Variants in SEPTIN1 observed in about 807,000 individuals in gnomAD.
SEPTIN1 encodes septin 1.
A neutral mutation model predicts 50.7 loss-of-function variants in SEPTIN1; 52 were observed. That is an observed-to-expected ratio of 1.03 (90% CI 0.82 to 1.29). The LOEUF (loss-of-function observed/expected upper bound fraction) is 1.29, where lower values mean the gene tolerates loss of function less well. SEPTIN1 is among the 50% of genes most tolerant of loss of function. The pLI, the probability that SEPTIN1 is intolerant of heterozygous loss-of-function variation, is 0.00. For synonymous variants in SEPTIN1, 204 were observed against 189.1 expected (o/e 1.08, Z -0.65); for missense variants, 455 against 490.7 (o/e 0.93, Z 0.69).
rs1229100414 is a variant in SEPTIN1, at chr16:30,382,398, G to C, written c.19-33C>G. 1 of 1,579,558 alleles carries C rather than the reference G, an allele frequency of 6.3e-7. No individual in the cohort carries two copies. The highest frequency in any genetic ancestry group is 1.1e-5 in the South Asian group (1 of 88,058). On this transcript the variant is annotated intron_variant, in intron 1 of 10. Coordinates refer to ENST00000321367, the MANE Select transcript of SEPTIN1 (RefSeq NM_001365977.2). This position sits in a 1 kb window ranked among gnomAD's most constrained non-coding sequence, Gnocchi z 4.8. The stretch of plus-strand genomic sequence containing the variant: ...TGGGGGTGGACAATATGAGGCTGCT[G>C]GCAATGGCAGGCAGGGTCCCCAGGA...
chr16:30,378,567 G>A (rs767151310), intron 10 of SEPTIN1, 43 bp downstream of exon 10: 4 of 1,607,846 alleles, frequency 2.5e-6, no homozygotes, highest in Admixed American at 1.7e-5. Flanking sequence ...AGCCAGAGGG[G>A]GACCTGGGGC....
chr16:30,379,903 G>T (rs369810763), intron 7 of SEPTIN1, 29 bp downstream of exon 7: 5 of 1,272,542 alleles, frequency 3.9e-6, no homozygotes, highest in Non-Finnish European at 5.7e-6. Context: ...CACCGTGCCC[G>T]GCCTGCCTTC....
At chr16:30,379,268 C>G (rs1347098825) in intron 8 of SEPTIN1, 85 bp from the exon 9 acceptor site, 7 of 1,547,728 alleles carry the variant, frequency 4.5e-6, no homozygotes, top group Non-Finnish European at 2.7e-6. Flanking sequence ...CAGGAAAGTC[C>G]TGCTGCCACT....
Position 30,381,697 on chromosome 16 carries a change from G to A in SEPTIN1, c.320+63C>T. 2 of 1,598,972 alleles carry A rather than the reference G, an allele frequency of 1.3e-6. No individual in the cohort carries two copies. The highest frequency in any genetic ancestry group is 1.7e-4 in the Middle Eastern group (1 of 5,992). On this transcript the variant is annotated intron_variant, in intron 4 of 10. Coordinates refer to ENST00000321367, the MANE Select transcript of SEPTIN1 (RefSeq NM_001365977.2). This position sits in a 1 kb window ranked among gnomAD's most constrained non-coding sequence, Gnocchi z 4.3. Reference sequence around the variant, plus strand: ...TAGGGAGCCAGCACAAACCAGTCCTGTAACTCTCCAGGGAGTCGCCACTGT... The same window carrying A: ...TAGGGAGCCAGCACAAACCAGTCCTATAACTCTCCAGGGAGTCGCCACTGT...
rs775601659 is a variant in SEPTIN1 at position 30,378,494 on chromosome 16, C to T, written c.1059G>A (p.Glu353=). ...EELRRMQEML[E]KMQAQMQQSQ... ...TCTGCTGCATTTGGGCCTGCATCTTCTCCAGCATCTCTTGCATGCGGCGCA... is the reference window on the plus strand; with the variant it reads ...TCTGCTGCATTTGGGCCTGCATCTTTTCCAGCATCTCTTGCATGCGGCGCA... Residue 353 remains glutamate, a synonymous_variant, in exon 11 of 11, where the codon GAG becomes GAA. Coordinates refer to ENST00000321367, the MANE Select transcript of SEPTIN1 (RefSeq NM_001365977.2). 1 of 1,578,956 alleles carries T rather than the reference C, an allele frequency of 6.3e-7. No individual in the cohort carries two copies. Among genetic ancestry groups the T allele is most frequent in the Admixed American group, 1.9e-5 (1 of 53,920 alleles).
At position 30,379,553 on chromosome 16, in the gene SEPTIN1, G is replaced by T; in HGVS notation, c.676-19C>A. 1 of 1,597,654 alleles carries T rather than the reference G, an allele frequency of 6.3e-7. No homozygotes were observed. Among genetic ancestry groups the T allele is most frequent in the Non-Finnish European group, 8.6e-7 (1 of 1,166,396 alleles). The stretch of plus-strand genomic sequence containing the variant: ...TGCTTTCCTGGAGGGCAGGGGGCAG[G>T]GGTTCACCATTGGCTCACACGGCAG... On this transcript the variant is annotated intron_variant, in intron 7 of 10. Transcript: ENST00000321367.
intron 9 of SEPTIN1, 46 bp downstream of exon 9, chr16:30,378,972 G>A (rs981145726): frequency 1.9e-6 from 3 of 1,581,450 alleles, no homozygotes; most frequent in African/African-American, 1.3e-5. Flanking sequence ...GGTCATGGGT[G>A]AGGCGGGACC....
chr16:30,381,049 C>A lies in SEPTIN1; in HGVS notation c.573+78G>T. On this transcript the variant is annotated intron_variant, in intron 6 of 10. Coordinates refer to ENST00000321367, the MANE Select transcript of SEPTIN1 (RefSeq NM_001365977.2). The surrounding 1 kb of genome is among the most constrained non-coding windows in gnomAD (Gnocchi z 4.3). ...GATGCACCATGCTCCAGAAAGGCCA[C>A]TTCAAGATCAAAGAAGTCTAAGCTG... 2 of 1,204,786 alleles carry A rather than the reference C, an allele frequency of 1.7e-6. No individual in the cohort carries two copies. Among genetic ancestry groups the A allele is most frequent in the South Asian group, 2.4e-5 (2 of 82,180 alleles). 74.6% of individuals were successfully genotyped at this position (1,204,786 alleles called of 1,614,324 possible). A position where few individuals can be genotyped will look rare whatever the true frequency, so the allele number is the denominator to read the frequency against.
upstream of SEPTIN1, chr16:30,382,563 C>A (rs2049866249): frequency 6.3e-7 from 1 of 1,584,944 alleles, no homozygotes; most frequent in Non-Finnish European, 8.6e-7. This position sits in a 1 kb window ranked among gnomAD's most constrained non-coding sequence, Gnocchi z 4.8. Flanking sequence ...GCCGTCTCTC[C>A]CCACTTCCTC....
intron 6 of SEPTIN1, 106 bp from the exon 7 acceptor site, chr16:30,380,139 A>C (rs1323576888): frequency 1.1e-6 from 1 of 879,152 alleles, no homozygotes; most frequent in Non-Finnish European, 1.7e-6. Flanking sequence ...AGAGACAGAG[A>C]GAAAGACATG....
At chr16:30,382,717 C>T, upstream of SEPTIN1, 2 of 1,535,796 alleles carry the variant, frequency 1.3e-6, no homozygotes, top group Non-Finnish European at 1.7e-6. This position sits in a 1 kb window ranked among gnomAD's most constrained non-coding sequence, Gnocchi z 4.8. Flanking sequence ...CCCCTTTGCC[C>T]ATCACCTGTC....
At position 30,379,192 on chromosome 16, in the gene SEPTIN1, G is replaced by A. The variant is rs145888442; in HGVS notation, c.776-9C>T. ...GTGATGTGGGTTCTCCACTGGAGGG[G>A]GGGCGGCGCGGACCAGCGAACGTCA... On this transcript the variant is annotated splice_polypyrimidine_tract_variant and intron_variant, in intron 8 of 10. Transcript: ENST00000321367. 3.7e-5 allele frequency: 60 copies of A among 1,613,700 alleles called. 4 individuals carry two copies. In the African/African-American group the frequency reaches 6.5e-4, roughly 18 times the overall value.
In SEPTIN1 at chr16:30,379,442, G is replaced by T. The variant is rs772941508; in HGVS notation, c.768C>A (p.Thr256=). The part of the protein sequence containing the change: ...PVRGRRYSWG[T]VEVENPHHCD... ...CTGCCTGGCCTCACTCACCCTCCAC[G>T]GTCCCCCAGGAGTAGCGGCGTCCCC... Residue 256 remains threonine, a synonymous_variant, in exon 8 of 11, where the codon ACC becomes ACA. Transcript: ENST00000321367. The T allele has an allele frequency of 3.2e-5, 52 of 1,613,520 alleles. No individual in the cohort carries two copies. The highest frequency in any genetic ancestry group is 4.3e-5 in the Non-Finnish European group (51 of 1,179,732).
rs2151111293 is a variant in SEPTIN1 at position 30,381,206 on chromosome 16, T to C, written c.494A>G (p.His165Arg). Residue 165 changes from histidine to arginine, a missense_variant, in exon 6 of 11, where the codon CAC becomes CGC. Physicochemically the swap from His to Arg is conservative, Grantham distance 29 (BLOSUM62 0). Coordinates refer to ENST00000321367, the MANE Select transcript of SEPTIN1 (RefSeq NM_001365977.2). The surrounding 1 kb of genome is among the most constrained non-coding windows in gnomAD (Gnocchi z 4.3). Reference sequence around the variant, plus strand: ...GACTGGGATGATGTTGACTTTCTCGTGTACTGCCCGGAGGAAGGCCACATC... The same window carrying C: ...GACTGGGATGATGTTGACTTTCTCGCGTACTGCCCGGAGGAAGGCCACATC... Reference protein sequence around the residue: ...PLDVAFLRAVHEKVNIIPVIG... With the variant: ...PLDVAFLRAVREKVNIIPVIG... The C allele has an allele frequency of 1.2e-6, 2 of 1,613,942 alleles. No homozygotes were observed. Among genetic ancestry groups the C allele is most frequent in the East Asian group, 4.5e-5 (2 of 44,878 alleles).
Position 30,381,517 on chromosome 16 carries a change from A to G in SEPTIN1, c.321-44T>C. The G allele has an allele frequency of 6.2e-7, 1 of 1,610,312 alleles. No homozygotes were observed. Among genetic ancestry groups the G allele is most frequent in the South Asian group, 1.1e-5 (1 of 90,926 alleles). ...TGTGAGGTCAGAGATCAAAGGCCAGAGGGCAGGGGGCAAGGCTAGCCAGGA... is the reference window on the plus strand; with the variant it reads ...TGTGAGGTCAGAGATCAAAGGCCAGGGGGCAGGGGGCAAGGCTAGCCAGGA... On this transcript the variant is annotated intron_variant, in intron 4 of 10. Transcript: ENST00000321367. The surrounding 1 kb of genome is among the most constrained non-coding windows in gnomAD (Gnocchi z 4.3).
rs989097539 is a variant in SEPTIN1 at position 30,382,449 on chromosome 16, A to C, written c.18+76T>G. 1.5e-5 allele frequency: 23 copies of C among 1,570,356 alleles called. No homozygotes were observed. In the African/African-American group the frequency reaches 3.1e-4, roughly 21 times the overall value. ...TCACTTGAGTTCCTGGGCTAGGAAG[A>C]GTCAGTGGGGTCTGGGGACCCCAGG... is the stretch of plus-strand genomic sequence containing the variant. On this transcript the variant is annotated intron_variant, in intron 1 of 10. Coordinates refer to ENST00000321367, the MANE Select transcript of SEPTIN1 (RefSeq NM_001365977.2). The surrounding 1 kb of genome is among the most constrained non-coding windows in gnomAD (Gnocchi z 4.8).
Position 30,378,311 on chromosome 16 carries a change from C to G in SEPTIN1, c.*123G>C, listed in dbSNP as rs530541913. The G allele has an allele frequency of 6.3e-5, 62 of 977,362 alleles. 1 individual carries two copies. In the South Asian group the frequency reaches 8.8e-4, roughly 14 times the overall value. 60.5% of individuals were successfully genotyped at this position (977,362 alleles called of 1,614,324 possible). A position where few individuals can be genotyped will look rare whatever the true frequency, so the allele number is the denominator to read the frequency against. On this transcript the variant is annotated 3_prime_UTR_variant, in exon 11 of 11. Coordinates refer to ENST00000321367, the MANE Select transcript of SEPTIN1 (RefSeq NM_001365977.2). Reference sequence around the variant, plus strand: ...CGGACTCAGGCTGGGAGAACCTCCCCCTAGCCCGCGCGAGGGCGGCACCCG... The same window carrying G: ...CGGACTCAGGCTGGGAGAACCTCCCGCTAGCCCGCGCGAGGGCGGCACCCG...
In SEPTIN1 at chr16:30,382,463, G is replaced by C. The variant is rs2049864089; in HGVS notation, c.18+62C>G. On this transcript the variant is annotated intron_variant, in intron 1 of 10. Transcript: ENST00000321367. This position sits in a 1 kb window ranked among gnomAD's most constrained non-coding sequence, Gnocchi z 4.8. ...GGGCTAGGAAGAGTCAGTGGGGTCT[G>C]GGGACCCCAGGCATGGGGGCTGGGG... The C allele has an allele frequency of 3.8e-6, 6 of 1,562,532 alleles. No homozygotes were observed. Among genetic ancestry groups the C allele is most frequent in the East Asian group, 2.3e-5 (1 of 44,364 alleles).
Position 30,379,104 on chromosome 16 carries a change from C to A in SEPTIN1, c.855G>T (p.Val285=). 1 of 1,614,132 alleles carries A rather than the reference C, an allele frequency of 6.2e-7. No individual in the cohort carries two copies. The highest frequency in any genetic ancestry group is 1.1e-5 in the South Asian group (1 of 91,084). ...AGCCCTCGTAGAGCAGATCGTGCGT[C>A]ACCTCTTTCAGGTCCTGCAGGTGTG... ...VQTHLQDLKE[V]THDLLYEGYR... The change falls in exon 9 of 11, where the codon GTG becomes GTT. Residue 285 remains valine, a synonymous_variant. Transcript: ENST00000321367.
Sources: gnomAD v4.1 joint callset for allele counts on GRCh38, gnomAD v4.1.1 for gene constraint, Gnocchi (gnomAD v3.1) non-coding constraint, MANE v1.5 for transcripts, NCBI Gene and HGNC (gene_info 2026-07-23, HGNC 2026-07-21) for gene names.